The following FHIT variants were observed in gnomAD, a reference collection of about 807,000 sequenced individuals.
FHIT encodes the protein fragile histidine triad diadenosine triphosphatase.
FHIT carries 19 observed loss-of-function variants against 17.9 expected under a neutral mutation model. The ratio of observed to expected loss-of-function variants is 1.06; its 90% CI spans 0.74 to 1.56. The LOEUF (loss-of-function observed/expected upper bound fraction) is 1.56, where lower values mean the gene tolerates loss of function less well. Among genes scored for constraint, FHIT ranks in the 40% most tolerant of loss-of-function variants. The pLI is 0.00. For missense variants in FHIT, 248 were observed against 189.2 expected, an observed-to-expected ratio of 1.31 and a Z score of -1.82; for synonymous variants, 81 against 69.7, an observed-to-expected ratio of 1.16 and a Z score of -0.81.
intron 2 of FHIT, among the ~76,000 whole-genome samples, chr3:61,143,029 A>G (rs1239242530): frequency 6.6e-6 from 1 of 152,096 alleles, no homozygotes; most frequent in African/African-American, 2.4e-5. Flanking sequence ...TTTGTTTCTT[A>G]CCTGCATGGA....
rs78750187 is a variant in FHIT at position 60,776,229 on chromosome 3, A to G, written c.-18+45690T>C. Among the ~76,000 whole-genome samples the G allele has an allele frequency of 2.5e-3, 386 of 152,242 alleles. 7 individuals are homozygous for G. Among genetic ancestry groups the G allele is most frequent in the East Asian group, 0.023 (119 of 5,166 alleles). On this transcript the variant is annotated intron_variant, in intron 4 of 9. Coordinates refer to ENST00000492590, the MANE Select transcript of FHIT (RefSeq NM_002012.4). ...GAACCCTGTAAGATTCAATGTCTGC[A>G]TGTTTTCCTAGCCCTTTCTCTTAAA...
chr3:60,980,914 G>T (rs113012295), intron 3 of FHIT, among the ~76,000 whole-genome samples: 66 of 152,228 alleles, frequency 4.3e-4, no homozygotes, highest in African/African-American at 1.3e-3. Context: ...ACACCTCACA[G>T]CCCCCCTATT....
At chr3:61,209,348 A>T (rs1439032520) in intron 1 of FHIT, among the ~76,000 whole-genome samples, 1 of 152,074 alleles carries the variant, frequency 6.6e-6, no homozygotes, top group Non-Finnish European at 1.5e-5. Context: ...TATTTCCTAA[A>T]TCTGAATGTT....
chr3:60,852,761 T>C (rs1219856859), intron 3 of FHIT, among the ~76,000 whole-genome samples: 1 of 152,076 alleles, frequency 6.6e-6, no homozygotes, highest in African/African-American at 2.4e-5. Flanking sequence ...CTCAGTACTT[T>C]GGGAGGCCAA....
At chr3:60,487,836 C>T (rs559045845) in intron 5 of FHIT, among the ~76,000 whole-genome samples, 1 of 152,186 alleles carries the variant, frequency 6.6e-6, no homozygotes, top group African/African-American at 2.4e-5. Flanking sequence ...CTAATTCCGT[C>T]TATCCTATTC....
intron 8 of FHIT, among the ~76,000 whole-genome samples, chr3:59,766,140 T>G (rs549029621): frequency 6.6e-6 from 1 of 152,278 alleles, no homozygotes; most frequent in African/African-American, 2.4e-5. Flanking sequence ...TGTGGGATAG[T>G]AGCAAAATCA....
intron 7 of FHIT, among the ~76,000 whole-genome samples, chr3:59,928,734 C>T (rs575644891): frequency 9.9e-5 from 15 of 152,222 alleles, no homozygotes; most frequent in East Asian, 5.8e-4. Flanking sequence ...CGGCGGCTCA[C>T]GCCTGTAATC....
At chr3:60,656,981 C>CTA (rs1553689755) in intron 4 of FHIT, among the ~76,000 whole-genome samples, 1 of 149,606 alleles carries the variant, frequency 6.7e-6, no homozygotes, top group Non-Finnish European at 1.5e-5. Context: ...TATGTCCACA[C>CTA]AAAAAAAAAC....
At chr3:60,743,511 C>T (rs1313107592) in intron 4 of FHIT, among the ~76,000 whole-genome samples, 2 of 152,184 alleles carry the variant, frequency 1.3e-5, no homozygotes, top group Non-Finnish European at 2.9e-5. Context: ...TTGGCCTGCA[C>T]CTTGTGTATA....
chr3:60,510,332 G>A (rs971785084), intron 5 of FHIT, among the ~76,000 whole-genome samples: 7 of 152,106 alleles, frequency 4.6e-5, no homozygotes, highest in Admixed American at 2.0e-4. Context: ...CCCAAAAAAG[G>A]CCAATTATTG....
At chr3:59,851,150 A>T (rs1441123039) in intron 8 of FHIT, among the ~76,000 whole-genome samples, 6 of 152,002 alleles carry the variant, frequency 3.9e-5, no homozygotes, top group Non-Finnish European at 8.8e-5. Flanking sequence ...CCAGACAGTC[A>T]GCTGATGGTC....
At chr3:60,977,016 A>G (rs1710283920) in intron 3 of FHIT, among the ~76,000 whole-genome samples, 1 of 152,254 alleles carries the variant, frequency 6.6e-6, no homozygotes, top group Admixed American at 6.5e-5. Context: ...CTTGTTTTTC[A>G]TCATCAACAT....
intron 3 of FHIT, among the ~76,000 whole-genome samples, chr3:60,989,676 A>G: frequency 6.6e-6 from 1 of 152,138 alleles, no homozygotes; most frequent in East Asian, 1.9e-4. Flanking sequence ...ACTTCTGTTA[A>G]ATTCTGATCA....
chr3:61,100,463 A>C, intron 2 of FHIT, among the ~76,000 whole-genome samples: 1 of 152,094 alleles, frequency 6.6e-6, no homozygotes, highest in Non-Finnish European at 1.5e-5. Flanking sequence ...TCTATCATTG[A>C]TGGGCATTTG....
chr3:61,086,669 C>A (rs2035315732), intron 2 of FHIT, among the ~76,000 whole-genome samples: 1 of 152,058 alleles, frequency 6.6e-6, no homozygotes, highest in Admixed American at 6.6e-5. Context: ...GCCTTGGTAG[C>A]CCTTCAATAC....
At chr3:60,488,230 T>C (rs1385732032) in intron 5 of FHIT, among the ~76,000 whole-genome samples, 1 of 152,184 alleles carries the variant, frequency 6.6e-6, no homozygotes, top group Admixed American at 6.5e-5. Context: ...AGATTATATT[T>C]GAGATGCTCG....
intron 3 of FHIT, among the ~76,000 whole-genome samples, chr3:60,955,972 G>C (rs1709134783): frequency 1.3e-5 from 2 of 152,190 alleles, no homozygotes; most frequent in East Asian, 3.9e-4. Flanking sequence ...TTTCACAGTT[G>C]AATCTCAATA....
chr3:59,958,326 G>T (rs1707502253), intron 7 of FHIT, among the ~76,000 whole-genome samples: 2 of 151,974 alleles, frequency 1.3e-5, no homozygotes, highest in Non-Finnish European at 2.9e-5. Context: ...ATAGATCTTG[G>T]AATTAATACA....
At chr3:61,174,781 T>C (rs764245358) in intron 2 of FHIT, among the ~76,000 whole-genome samples, 2 of 152,222 alleles carry the variant, frequency 1.3e-5, no homozygotes, top group Non-Finnish European at 2.9e-5. Flanking sequence ...TGTAGCTACA[T>C]AAATTAAATG....
Sources: allele counts gnomAD v4.1 joint callset (sites outside exome capture counted in the v4.1 genomes callset), GRCh38; gene constraint gnomAD v4.1.1; transcripts MANE v1.5; gene names NCBI Gene and HGNC (gene_info 2026-07-23, HGNC 2026-07-21).